IGFBP5: variants seen among roughly 807,000 people sequenced by gnomAD.
IGFBP5 encodes the protein insulin like growth factor binding protein 5, also known as insulin-like growth factor-binding protein 5.
Under a neutral mutation model 28.0 loss-of-function variants are expected in IGFBP5, and 12 were observed. The ratio of observed to expected loss-of-function variants is 0.43; its 90% CI spans 0.27 to 0.69. IGFBP5 has a LOEUF of 0.69. Among genes scored for constraint, IGFBP5 ranks in the 30% least tolerant of loss-of-function variants. IGFBP5 has a pLI of 0.20. For missense variants in IGFBP5, 344 were observed against 381.6 expected (o/e 0.90, Z 0.82); for synonymous variants, 152 against 150.2 (o/e 1.01, Z -0.09).
chr2:216,685,806 T>G (rs7420849), intron 1 of IGFBP5, among the ~76,000 whole-genome samples: 94,041 of 151,990 alleles, frequency 0.62, 29,752 homozygotes, highest in East Asian at 0.82. Flanking sequence ...CAACATCATT[T>G]CTTTTCCTAC....
chr2:216,691,559 C>T (rs1210994154), intron 1 of IGFBP5, among the ~76,000 whole-genome samples: 1 of 152,092 alleles, frequency 6.6e-6, no homozygotes, highest in Non-Finnish European at 1.5e-5. Flanking sequence ...CTGAACTGGC[C>T]AGAATGAAAT....
rs1688861948 is a variant in IGFBP5 at position 216,673,623 on chromosome 2, T to G, written c.*3128A>C. 1 of 152,404 alleles carries G rather than the reference T, an allele frequency of 6.6e-6. No individual in the cohort carries two copies. The highest frequency in any genetic ancestry group is 2.4e-5 in the African/African-American group (1 of 41,462). The allele number at this position is 152,404 out of a possible 1,614,324, so 9.4% of individuals were successfully genotyped here. A position where few individuals can be genotyped will look rare whatever the true frequency, so the allele number is the denominator to read the frequency against. ...CAGCACTTAGATTCGGAGCCATGGA[T>G]AGTCCGGAGTCCAAGGTCTCTGGGT... On this transcript the variant is annotated 3_prime_UTR_variant, in exon 4 of 4. Transcript: ENST00000233813. The surrounding 1 kb of genome is among the most constrained non-coding windows in gnomAD (Gnocchi z 4.3).
chr2:216,675,460 G>T lies in IGFBP5; in HGVS notation c.*1291C>A, dbSNP rs1203919576. 1 of 152,408 alleles carries T rather than the reference G, an allele frequency of 6.6e-6. No homozygotes were observed. Among genetic ancestry groups the T allele is most frequent in the Non-Finnish European group, 1.5e-5 (1 of 68,130 alleles). 9.4% of individuals were successfully genotyped at this position (152,408 alleles called of 1,614,324 possible). Reference sequence around the variant, plus strand: ...ACTAAAATGGGATGGACTGAGGCGCGTGCTGTGTGCACCACGGAGGGCTGG... The same window carrying T: ...ACTAAAATGGGATGGACTGAGGCGCTTGCTGTGTGCACCACGGAGGGCTGG... On this transcript the variant is annotated 3_prime_UTR_variant, in exon 4 of 4. Coordinates refer to ENST00000233813, the MANE Select transcript of IGFBP5 (RefSeq NM_000599.4).
Position 216,694,069 on chromosome 2 carries a change from G to A in IGFBP5, c.337+370C>T, listed in dbSNP as rs185263725. 6.6e-6 allele frequency among the ~76,000 whole-genome samples: 1 copy of A among 152,080 alleles called. No individual in the cohort carries two copies. Among genetic ancestry groups the A allele is most frequent in the Admixed American group, 6.5e-5 (1 of 15,268 alleles). ...AAAAAAACCTATGCGGGGCGCGAGG[G>A]GGGTGGAGGAGGGAGTTGATAATGT... On this transcript the variant is annotated intron_variant, in intron 1 of 3. Transcript: ENST00000233813. This position sits in a 1 kb window ranked among gnomAD's most constrained non-coding sequence, Gnocchi z 5.2.
intron 2 of IGFBP5, 59 bp downstream of exon 2, chr2:216,678,791 A>C: frequency 1.4e-6 from 2 of 1,406,358 alleles, no homozygotes; most frequent in Admixed American, 1.9e-5. Flanking sequence ...ATGAATGTCC[A>C]TTTAGATGCA....
At position 216,681,927 on chromosome 2, in the gene IGFBP5, A is replaced by G. The variant is rs562781209; in HGVS notation, c.338-2848T>C. 2.0e-5 allele frequency among the ~76,000 whole-genome samples: 3 copies of G among 152,234 alleles called. No homozygotes were observed. The South Asian group carries it at 6.2e-4, about 32-fold the overall frequency. On this transcript the variant is annotated intron_variant, in intron 1 of 3. Coordinates refer to ENST00000233813, the MANE Select transcript of IGFBP5 (RefSeq NM_000599.4). ...CAACGGTTTGATAAACCTTGGGGTA[A>G]ATTTATTTTGACCTCTCTTACTCTT...
At chr2:216,677,775 A>G (rs1188193942) in intron 3 of IGFBP5, among the ~76,000 whole-genome samples, 1 of 152,232 alleles carries the variant, frequency 6.6e-6, no homozygotes, top group Non-Finnish European at 1.5e-5. Flanking sequence ...CAGGTGGTTC[A>G]CAGAGAAAAT....
At chr2:216,688,329 G>A (rs181841985) in intron 1 of IGFBP5, among the ~76,000 whole-genome samples, 7 of 152,044 alleles carry the variant, frequency 4.6e-5, no homozygotes, top group South Asian at 4.2e-4. Context: ...AAAAAACACC[G>A]GATTTCAAAG....
In IGFBP5 at chr2:216,676,435, T is replaced by C. The variant is rs1427325959; in HGVS notation, c.*316A>G. ...TAACTCTATTCGTCTTTCTCTCTCT[T>C]CTACACAAACACTTCCTTCCCTTCT... On this transcript the variant is annotated 3_prime_UTR_variant, in exon 4 of 4. Transcript: ENST00000233813. 4.9e-6 allele frequency: 1 copy of C among 203,342 alleles called. No individual in the cohort carries two copies. Among genetic ancestry groups the C allele is most frequent in the Non-Finnish European group, 9.9e-6 (1 of 100,510 alleles). The allele number at this position is 203,342 out of a possible 1,614,324, so 12.6% of individuals were successfully genotyped here. A position where few individuals can be genotyped will look rare whatever the true frequency, so the allele number is the denominator to read the frequency against.
In IGFBP5 at chr2:216,694,775, TCTTCTCTTAGTCGCCCC is replaced by T; in HGVS notation, c.-17_-1del. ...AGGAGGACCGCGGTGAGCAACACCA[TCTTCTCTTAGTCGCCCC>T]CTTTACCTCGGGGTGGGGCAGGAGA... On this transcript the variant is annotated 5_prime_UTR_variant, in exon 1 of 4. Transcript: ENST00000233813. This position sits in a 1 kb window ranked among gnomAD's most constrained non-coding sequence, Gnocchi z 5.2. 7.1e-7 allele frequency: 1 copy of T among 1,404,792 alleles called. No individual in the cohort carries two copies. 87.0% of individuals were successfully genotyped at this position (1,404,792 alleles called of 1,614,324 possible). A position where few individuals can be genotyped will look rare whatever the true frequency, so the allele number is the denominator to read the frequency against.
rs145740328 is a variant in IGFBP5, at chr2:216,678,137, C to A, written c.662G>T (p.Arg221Leu). 2 of 1,564,860 alleles carry A rather than the reference C, an allele frequency of 1.3e-6. No homozygotes were observed. Among genetic ancestry groups the A allele is most frequent in the Non-Finnish European group, 1.7e-6 (2 of 1,150,520 alleles). ...PRAVYLPNCD[R>L]KGFYKRKQCK... ...CTGCTTTCTCTTGTAGAATCCTTTG[C>A]GGTCACAATTGGGCAGGTACACAGC... is the stretch of plus-strand genomic sequence containing the variant. Residue 221 changes from arginine (R) to leucine (L), a missense_variant, in exon 3 of 4, where the codon CGC becomes CTC. This residue lies in a region of IGFBP5 where 304 missense variants were observed against 329.2 expected (regional missense o/e 0.92). Coordinates refer to ENST00000233813, the MANE Select transcript of IGFBP5 (RefSeq NM_000599.4).
In IGFBP5 at chr2:216,673,849, A is replaced by C. The variant is rs1173654423; in HGVS notation, c.*2902T>G. The stretch of plus-strand genomic sequence containing the variant: ...ACTCCCATTTGGGAGGCTTAGTTCC[A>C]TGTGTCCATGAAGGCCCAGCTTCTC... On this transcript the variant is annotated 3_prime_UTR_variant, in exon 4 of 4. Coordinates refer to ENST00000233813, the MANE Select transcript of IGFBP5 (RefSeq NM_000599.4). The surrounding 1 kb of genome is among the most constrained non-coding windows in gnomAD (Gnocchi z 4.3). 6.6e-6 allele frequency: 1 copy of C among 152,360 alleles called. No individual in the cohort carries two copies. Among genetic ancestry groups the C allele is most frequent in the Non-Finnish European group, 1.5e-5 (1 of 68,068 alleles). The allele number at this position is 152,360 out of a possible 1,614,324, so 9.4% of individuals were successfully genotyped here. A position where few individuals can be genotyped will look rare whatever the true frequency, so the allele number is the denominator to read the frequency against.
At chr2:216,684,577 A>T (rs1689013908) in intron 1 of IGFBP5, among the ~76,000 whole-genome samples, 1 of 152,158 alleles carries the variant, frequency 6.6e-6, no homozygotes, top group Non-Finnish European at 1.5e-5. Flanking sequence ...TAAGATGAGG[A>T]CGCCTAGAAT....
At chr2:216,684,918 T>C (rs1353807035) in intron 1 of IGFBP5, among the ~76,000 whole-genome samples, 2 of 152,138 alleles carry the variant, frequency 1.3e-5, no homozygotes, top group Non-Finnish European at 1.5e-5. Flanking sequence ...ATGAGCGTCA[T>C]GGGTGTGAGA....
At chr2:216,691,170 G>A (rs932359648) in intron 1 of IGFBP5, among the ~76,000 whole-genome samples, 3 of 152,170 alleles carry the variant, frequency 2.0e-5, no homozygotes, top group Non-Finnish European at 2.9e-5. Context: ...GGGTGATGGA[G>A]GCCAAACCCC....
intron 1 of IGFBP5, among the ~76,000 whole-genome samples, chr2:216,684,546 TCTC>T (rs1416782711): frequency 1.3e-5 from 2 of 151,958 alleles, no homozygotes; most frequent in African/African-American, 2.4e-5. Flanking sequence ...GATTCTCCCA[TCTC>T]CTTTTCTAGA....
chr2:216,690,431 A>C (rs1440935088), intron 1 of IGFBP5, among the ~76,000 whole-genome samples: 1 of 152,196 alleles, frequency 6.6e-6, no homozygotes, highest in Non-Finnish European at 1.5e-5. Context: ...TAAATATCTT[A>C]AAAGTTTCAT....
At position 216,676,607 on chromosome 2, in the gene IGFBP5, G is replaced by A. The variant is rs1300212618; in HGVS notation, c.*144C>T. 4.9e-5 allele frequency: 26 copies of A among 535,540 alleles called. No individual in the cohort carries two copies. In the East Asian group the frequency reaches 8.4e-4, roughly 17 times the overall value. 33.2% of individuals were successfully genotyped at this position (535,540 alleles called of 1,614,324 possible). Reference sequence around the variant, plus strand: ...GTTGAGCCCTTGCTAGAGATTCCGAGGTCCTCAGTTTCCTCAAATAGATAG... The same window carrying A: ...GTTGAGCCCTTGCTAGAGATTCCGAAGTCCTCAGTTTCCTCAAATAGATAG... On this transcript the variant is annotated 3_prime_UTR_variant, in exon 4 of 4. Transcript: ENST00000233813.
At position 216,695,497 on chromosome 2, in the gene IGFBP5, T is replaced by C. The variant is rs1436479688; in HGVS notation, c.-722A>G. 1 of 152,228 alleles carries C rather than the reference T, an allele frequency of 6.6e-6. No homozygotes were observed. The highest frequency in any genetic ancestry group is 1.9e-4 in the East Asian group (1 of 5,188). The allele number at this position is 152,228 out of a possible 1,614,324, so 9.4% of individuals were successfully genotyped here. Reference sequence around the variant, plus strand: ...AAAAAAGGGAAAAAGCCCACACTGCTTTGCAGCTCTTTCCTAGCTCTTTTC... The same window carrying C: ...AAAAAAGGGAAAAAGCCCACACTGCCTTGCAGCTCTTTCCTAGCTCTTTTC... On this transcript the variant is annotated 5_prime_UTR_variant, in exon 1 of 4. Coordinates refer to ENST00000233813, the MANE Select transcript of IGFBP5 (RefSeq NM_000599.4).
Sources: gnomAD v4.1 joint callset for allele counts (sites outside exome capture counted in the v4.1 genomes callset) on GRCh38, gnomAD v4.1.1 for gene constraint, gnomAD v4.1.1 regional missense constraint, Gnocchi (gnomAD v3.1) non-coding constraint, MANE v1.5 for transcripts, NCBI Gene and HGNC (gene_info 2026-07-23, HGNC 2026-07-21) for gene names.